Variants in MAPKAP1 observed in about 807,000 individuals in gnomAD.
MAPKAP1 encodes the protein MAPK associated protein 1.
A neutral mutation model predicts 65.7 loss-of-function variants in MAPKAP1; 20 were observed. The observed-to-expected ratio is 0.30, with a 90% CI of 0.21 to 0.44. The LOEUF is 0.44. Ranked by LOEUF, MAPKAP1 falls within the 20% of genes least tolerant of loss-of-function variation. MAPKAP1 has a pLI of 1.00. For missense variants in MAPKAP1, 423 were observed against 648.0 expected (o/e 0.65, Z 3.77); for synonymous variants, 222 against 244.3 (o/e 0.91, Z 0.85).
At chr9:125,663,323 C>T (rs546693203) in intron 3 of MAPKAP1, among the ~76,000 whole-genome samples, 1 of 152,312 alleles carries the variant, frequency 6.6e-6, no homozygotes, top group East Asian at 1.9e-4. Context: ...CTATTTCCTC[C>T]TCTTAGAACA....
At chr9:125,691,898 T>C (rs1419020067) in intron 1 of MAPKAP1, among the ~76,000 whole-genome samples, 5 of 152,318 alleles carry the variant, frequency 3.3e-5, no homozygotes, top group African/African-American at 1.2e-4. Flanking sequence ...CACATGCTTG[T>C]AGAATGAACC....
chr9:125,661,773 A>C (rs564223601), intron 3 of MAPKAP1, among the ~76,000 whole-genome samples: 2 of 152,304 alleles, frequency 1.3e-5, no homozygotes, highest in East Asian at 3.9e-4. Context: ...TTATAAAAGA[A>C]AATTAAAAGC....
chr9:125,577,001 C>T (rs1486481317), intron 5 of MAPKAP1, among the ~76,000 whole-genome samples: 1 of 150,114 alleles, frequency 6.7e-6, no homozygotes, highest in Non-Finnish European at 1.5e-5. Flanking sequence ...TGTGAGGAGC[C>T]CCTCTGCCTG....
intron 4 of MAPKAP1, among the ~76,000 whole-genome samples, chr9:125,635,408 C>G (rs1220682099): frequency 6.6e-6 from 1 of 152,222 alleles, no homozygotes; most frequent in Non-Finnish European, 1.5e-5. Context: ...AGCTCCCCAG[C>G]TGCTGCTCAA....
rs542551487 is a variant in MAPKAP1, at chr9:125,636,654, T to G, written c.498+20997A>C. On this transcript the variant is annotated intron_variant, in intron 4 of 11. Transcript: ENST00000265960. ...CACAACTAAAACAGCATGAATTAAC[T>G]GAGAAAATGAATCAACAAACATGCC... Among the ~76,000 whole-genome samples, 18 of 152,294 alleles carry G rather than the reference T, an allele frequency of 1.2e-4. No individual in the cohort carries two copies. The South Asian group carries it at 2.7e-3, about 23-fold the overall frequency.
At chr9:125,640,460 C>A (rs888221193) in intron 4 of MAPKAP1, among the ~76,000 whole-genome samples, 1 of 151,636 alleles carries the variant, frequency 6.6e-6, no homozygotes, top group African/African-American at 2.4e-5. Context: ...ATTACCCTTG[C>A]ATCAATGCAC....
chr9:125,591,714 CTA>C (rs1389630595), intron 4 of MAPKAP1, among the ~76,000 whole-genome samples: 1 of 152,102 alleles, frequency 6.6e-6, no homozygotes, highest in Non-Finnish European at 1.5e-5. Flanking sequence ...GCAGTTAGCT[CTA>C]TCCTAATAGT....
At chr9:125,610,072 T>C (rs1332291849) in intron 4 of MAPKAP1, among the ~76,000 whole-genome samples, 1 of 152,204 alleles carries the variant, frequency 6.6e-6, no homozygotes, top group Non-Finnish European at 1.5e-5. Flanking sequence ...CCAAAACCAA[T>C]ATATTTGAAA....
intron 8 of MAPKAP1, among the ~76,000 whole-genome samples, chr9:125,497,069 G>A (rs1828829391): frequency 6.6e-6 from 1 of 152,122 alleles, no homozygotes; most frequent in African/African-American, 2.4e-5. Context: ...GGGGCAGCCA[G>A]GTAATCTGGG....
chr9:125,492,738 T>C (rs925804989), intron 8 of MAPKAP1, among the ~76,000 whole-genome samples: 8 of 152,230 alleles, frequency 5.3e-5, no homozygotes, highest in Admixed American at 4.6e-4. Flanking sequence ...AATCTAGTTA[T>C]AAATTAAAGC....
intron 5 of MAPKAP1, among the ~76,000 whole-genome samples, chr9:125,573,427 TA>T (rs1363005989): frequency 6.6e-6 from 1 of 152,172 alleles, no homozygotes; most frequent in African/African-American, 2.4e-5. Flanking sequence ...CTATATGGTC[TA>T]AAAAGGGGAG....
chr9:125,673,097 G>A (rs1244487074), intron 1 of MAPKAP1, among the ~76,000 whole-genome samples: 1 of 152,204 alleles, frequency 6.6e-6, no homozygotes, highest in East Asian at 1.9e-4. Context: ...ATATGATTGT[G>A]AAGTGTTTAA....
chr9:125,480,230 T>C (rs551230654), intron 9 of MAPKAP1, among the ~76,000 whole-genome samples: 1 of 152,332 alleles, frequency 6.6e-6, no homozygotes, highest in East Asian at 1.9e-4. Context: ...CAGTGCATGA[T>C]ATAATACTCA....
At chr9:125,662,140 G>A (rs1026512779) in intron 3 of MAPKAP1, among the ~76,000 whole-genome samples, 5 of 152,104 alleles carry the variant, frequency 3.3e-5, no homozygotes, top group East Asian at 1.9e-4. Flanking sequence ...CTAGCACTTC[G>A]GGAGGCCAAG....
intron 4 of MAPKAP1, among the ~76,000 whole-genome samples, chr9:125,601,788 A>G (rs1302033596): frequency 2.6e-5 from 4 of 152,226 alleles, no homozygotes; most frequent in Non-Finnish European, 5.9e-5. Flanking sequence ...CACACGTGAA[A>G]TAACTGGGAT....
At chr9:125,638,815 T>TGCAAAAGGATTTTATGAAAACCTCAGG (rs1833495400) in intron 4 of MAPKAP1, among the ~76,000 whole-genome samples, 1 of 152,232 alleles carries the variant, frequency 6.6e-6, no homozygotes, top group Non-Finnish European at 1.5e-5. Context: ...AATATTCACT[T>TGCAAAAGGATTTTATGAAAACCTCAGG]GCAAAAGGAT....
At chr9:125,605,097 A>T (rs1270517809) in intron 4 of MAPKAP1, among the ~76,000 whole-genome samples, 1 of 152,240 alleles carries the variant, frequency 6.6e-6, no homozygotes, top group Non-Finnish European at 1.5e-5. Flanking sequence ...ATGCATAGTA[A>T]ACATAGTATA....
intron 4 of MAPKAP1, among the ~76,000 whole-genome samples, chr9:125,607,824 T>C (rs1199399157): frequency 6.6e-6 from 1 of 152,080 alleles, no homozygotes; most frequent in Non-Finnish European, 1.5e-5. Flanking sequence ...CCCAGCTAAT[T>C]TTTGTATTTT....
intron 9 of MAPKAP1, among the ~76,000 whole-genome samples, chr9:125,475,067 T>A (rs1019571913): frequency 6.6e-5 from 10 of 152,178 alleles, no homozygotes; most frequent in Non-Finnish European, 1.5e-4. Flanking sequence ...ACACAGGCTG[T>A]TTGGGCTTAA....
Sources: allele counts gnomAD v4.1 joint callset (sites outside exome capture counted in the v4.1 genomes callset), GRCh38; gene constraint gnomAD v4.1.1; transcripts MANE v1.5; gene names NCBI Gene and HGNC (gene_info 2026-07-23, HGNC 2026-07-21).